KIF13B: variants seen among roughly 807,000 people sequenced by gnomAD.
KIF13B encodes the protein kinesin-like protein KIF13B.
KIF13B carries 127 observed loss-of-function variants against 222.0 expected under a neutral mutation model. That is an observed-to-expected ratio of 0.57 (90% CI 0.50 to 0.66). KIF13B has a LOEUF of 0.66. KIF13B is among the 30% of genes least tolerant of loss of function. The pLI is 0.00. For missense variants in KIF13B, 2,173 were observed against 2,379.0 expected, an observed-to-expected ratio of 0.91 and a Z score of 1.80; for synonymous variants, 976 against 919.0, an observed-to-expected ratio of 1.06 and a Z score of -1.12.
Position 29,132,478 on chromosome 8 carries a change from A to G in KIF13B, c.2785-13T>C. On this transcript the variant is annotated splice_polypyrimidine_tract_variant and intron_variant, in intron 22 of 39. Transcript: ENST00000524189. ...TAACAGAAAACTCCTGAAACACAACAGCTAATTACAGAAGAGCAAACTCTT... is the reference window on the plus strand; with the variant it reads ...TAACAGAAAACTCCTGAAACACAACGGCTAATTACAGAAGAGCAAACTCTT... The G allele has an allele frequency of 6.9e-7, 1 of 1,458,102 alleles. No individual in the cohort carries two copies. The highest frequency in any genetic ancestry group is 9.1e-7 in the Non-Finnish European group (1 of 1,094,704). The allele number at this position is 1,458,102 out of a possible 1,614,324, so 90.3% of individuals were successfully genotyped here.
chr8:29,240,609 G>T (rs1254756440), intron 2 of KIF13B, among the ~76,000 whole-genome samples: 2 of 152,190 alleles, frequency 1.3e-5, no homozygotes, highest in African/African-American at 2.4e-5. Context: ...TTTAAAATAA[G>T]TAAGTACTGC....
intron 2 of KIF13B, among the ~76,000 whole-genome samples, chr8:29,227,619 A>C (rs1274560145): frequency 6.6e-6 from 1 of 152,190 alleles, no homozygotes; most frequent in Non-Finnish European, 1.5e-5. Context: ...GATTTATCAG[A>C]CTGTCAAAGG....
rs751056016 is a variant in KIF13B, at chr8:29,140,123, G to A, written c.2553C>T (p.Gly851=). The A allele has an allele frequency of 6.8e-6, 11 of 1,612,830 alleles. No individual in the cohort carries two copies. The highest frequency in any genetic ancestry group is 4.5e-5 in the East Asian group (2 of 44,822). The part of the protein sequence containing the change: ...SGDVGERIAG[G]DEVAEVSFEK... The stretch of plus-strand genomic sequence containing the variant: ...CAAAGGAGACCTCTGCCACCTCATC[G>A]CCTCCTGCGATCCTCTCCCCAACAT... Residue 851 remains glycine, a synonymous_variant, in exon 21 of 40, where the codon GGC becomes GGT. Coordinates refer to ENST00000524189, the MANE Select transcript of KIF13B (RefSeq NM_015254.4).
intron 37 of KIF13B, among the ~76,000 whole-genome samples, chr8:29,092,190 T>A (rs1356550936): frequency 6.6e-6 from 1 of 152,266 alleles, no homozygotes; most frequent in Non-Finnish European, 1.5e-5. Flanking sequence ...CATTCACTAT[T>A]GCATAAGAGC....
intron 2 of KIF13B, among the ~76,000 whole-genome samples, chr8:29,217,116 T>C (rs915682001): frequency 6.6e-6 from 1 of 152,184 alleles, no homozygotes. Flanking sequence ...ATACGTGAAC[T>C]ATCAAATTAG....
chr8:29,176,282 G>C (rs1428502500), intron 9 of KIF13B, 103 bp from the exon 10 acceptor site: 2 of 677,452 alleles, frequency 3.0e-6, no homozygotes, highest in Admixed American at 5.5e-5. Flanking sequence ...ACCTGCATGT[G>C]AGCAGCACCC....
intron 18 of KIF13B, among the ~76,000 whole-genome samples, chr8:29,144,115 T>C (rs533929724): frequency 2.6e-4 from 40 of 152,122 alleles, no homozygotes; most frequent in Non-Finnish European, 5.0e-4. Context: ...TTTACTGGCT[T>C]AATTTTTCAA....
chr8:29,172,424 A>G (rs145428420), intron 10 of KIF13B, among the ~76,000 whole-genome samples: 85 of 152,336 alleles, frequency 5.6e-4, no homozygotes, highest in Middle Eastern at 3.4e-3. Context: ...ACAAATATTC[A>G]GCAAACACAT....
intron 10 of KIF13B, among the ~76,000 whole-genome samples, chr8:29,172,984 A>G (rs1812314149): frequency 6.6e-6 from 1 of 151,100 alleles, no homozygotes. Context: ...GCATGATATC[A>G]GCTCACTGCA....
At position 29,245,275 on chromosome 8, in the gene KIF13B, T is replaced by C. The variant is rs556954073; in HGVS notation, c.149+71A>G. On this transcript the variant is annotated intron_variant, in intron 2 of 39. Transcript: ENST00000524189. ...GCATTCGATATCTATTCAATGCAACTTAATTCAGCAGCCACAGTTGCTTCC... is the reference window on the plus strand; with the variant it reads ...GCATTCGATATCTATTCAATGCAACCTAATTCAGCAGCCACAGTTGCTTCC... 2.1e-4 allele frequency: 225 copies of C among 1,049,060 alleles called. 1 individual carries two copies. The Middle Eastern group carries it at 2.8e-3, about 13-fold the overall frequency. 65.0% of individuals were successfully genotyped at this position (1,049,060 alleles called of 1,614,324 possible).
intron 31 of KIF13B, among the ~76,000 whole-genome samples, chr8:29,114,086 G>C (rs1809483587): frequency 6.6e-6 from 1 of 152,186 alleles, no homozygotes; most frequent in South Asian, 2.1e-4. Flanking sequence ...GTTAGGAATT[G>C]AACTGTTGAA....
intron 37 of KIF13B, among the ~76,000 whole-genome samples, chr8:29,080,327 C>CAAAAAAA (rs5890439): frequency 3.0e-5 from 2 of 67,148 alleles, no homozygotes; most frequent in Non-Finnish European, 5.3e-5. Context: ...GACCCAGTCT[C>CAAAAAAA]AAAAAAAAAA....
chr8:29,114,997 C>T (rs1809528366), intron 31 of KIF13B, among the ~76,000 whole-genome samples: 1 of 152,208 alleles, frequency 6.6e-6, no homozygotes, highest in Non-Finnish European at 1.5e-5. Context: ...ATACCGTATA[C>T]ATCTATAGCT....
At chr8:29,247,356 A>G (rs1238367277) in intron 1 of KIF13B, among the ~76,000 whole-genome samples, 1 of 152,202 alleles carries the variant, frequency 6.6e-6, no homozygotes, top group Non-Finnish European at 1.5e-5. Flanking sequence ...CCACTGCACT[A>G]CAGCCTGGGC....
chr8:29,145,785 C>A (rs1811032338), intron 18 of KIF13B: 2 of 115,362 alleles, frequency 1.7e-5, no homozygotes, highest in African/African-American at 6.7e-5. Flanking sequence ...TGAATGTGAT[C>A]AAGAGCTAGA....
chr8:29,230,588 C>G (rs189845070), intron 2 of KIF13B, among the ~76,000 whole-genome samples: 1 of 152,140 alleles, frequency 6.6e-6, no homozygotes, highest in Admixed American at 6.5e-5. Context: ...ACCAAGGCTT[C>G]TGTGGGAGTG....
At chr8:29,231,264 G>A (rs1005127675) in intron 2 of KIF13B, among the ~76,000 whole-genome samples, 5 of 152,276 alleles carry the variant, frequency 3.3e-5, no homozygotes, top group Admixed American at 6.5e-5. Context: ...GCTACCATAC[G>A]GGTTCGGCCT....
intron 36 of KIF13B, among the ~76,000 whole-genome samples, chr8:29,096,616 C>T (rs1357212129): frequency 6.6e-6 from 1 of 151,886 alleles, no homozygotes; most frequent in East Asian, 1.9e-4. Flanking sequence ...AAAAGAATAA[C>T]GTCATAAAGT....
At chr8:29,255,197 T>C (rs1816431194) in intron 1 of KIF13B, among the ~76,000 whole-genome samples, 1 of 152,174 alleles carries the variant, frequency 6.6e-6, no homozygotes, top group African/African-American at 2.4e-5. Flanking sequence ...GAAAATGTTC[T>C]GGAATTGTAT....
Sources: allele counts gnomAD v4.1 joint callset (sites outside exome capture counted in the v4.1 genomes callset), GRCh38; gene constraint gnomAD v4.1.1; transcripts MANE v1.5; gene names NCBI Gene and HGNC (gene_info 2026-07-23, HGNC 2026-07-21).